The following PRKCH variants were observed in gnomAD, a reference collection of about 807,000 sequenced individuals.
PRKCH encodes protein kinase C eta type.
In PRKCH, 28 loss-of-function variants were observed where a neutral mutation model predicts 82.5. The ratio of observed to expected loss-of-function variants is 0.34; its 90% confidence interval spans 0.25 to 0.47. The LOEUF (loss-of-function observed/expected upper bound fraction) is 0.47, where lower values mean the gene tolerates loss of function less well. Ranked by LOEUF, PRKCH falls within the 20% of genes least tolerant of loss-of-function variation. The pLI, the probability that PRKCH is intolerant of heterozygous loss-of-function variation, is 1.00. For synonymous variants in PRKCH, 322 were observed against 327.4 expected (o/e 0.98, Z 0.18); for missense variants, 705 against 881.8 (o/e 0.80, Z 2.54).
chr14:61,530,679 C>T, intron 12 of PRKCH, 84 bp downstream of exon 12: 1 of 1,260,080 alleles, frequency 7.9e-7, no homozygotes, highest in South Asian at 1.6e-5. Context: ...CAGTACTTCC[C>T]ACCAGTAAAC....
At chr14:61,381,355 T>G (rs1005344996) in intron 1 of PRKCH, among the ~76,000 whole-genome samples, 5 of 152,268 alleles carry the variant, frequency 3.3e-5, no homozygotes, top group African/African-American at 1.2e-4. Context: ...TCAGATTTGA[T>G]ACTACTTTTC....
chr14:61,385,361 T>A (rs1352250770), intron 1 of PRKCH, among the ~76,000 whole-genome samples: 1 of 147,930 alleles, frequency 6.8e-6, no homozygotes, highest in Non-Finnish European at 1.5e-5. Flanking sequence ...AGCCAAAATA[T>A]TGCAGAAAAA....
At chr14:61,323,273 C>T (rs761515812) in intron 1 of PRKCH, among the ~76,000 whole-genome samples, 13 of 152,158 alleles carry the variant, frequency 8.5e-5, no homozygotes, top group Non-Finnish European at 1.8e-4. Context: ...TCCCAGGAGG[C>T]ATAATTTCTG....
In PRKCH at chr14:61,485,622, C is replaced by T. The variant is rs998164413; in HGVS notation, c.1399C>T (p.Leu467Phe). The T allele has an allele frequency of 6.2e-7, 1 of 1,614,074 alleles. No homozygotes were observed. Among genetic ancestry groups the T allele is most frequent in the East Asian group, 2.2e-5 (1 of 44,876 alleles). ...RFYAAEIISALMFLHDKGIIY... is the reference protein window; with the variant it reads ...RFYAAEIISAFMFLHDKGIIY... ...CTATGCTGCAGAAATCATTTCGGCT[C>T]TCATGTTCCTCCATGATAAAGGAAT... is the stretch of plus-strand genomic sequence containing the variant. The change falls in exon 10 of 14, where the codon CTC (leucine) becomes TTC (phenylalanine). Residue 467 changes from leucine (L) to phenylalanine (F), a missense_variant. Leu to Phe is a conservative substitution (Grantham distance 22). Transcript: ENST00000332981.
rs866223440 is a variant in PRKCH at position 61,334,945 on chromosome 14, T to G, written c.363+12481T>G. Among the ~76,000 whole-genome samples, 9 of 152,210 alleles carry G rather than the reference T, an allele frequency of 5.9e-5. No homozygotes were observed. The Middle Eastern group carries it at 0.024, about 403-fold the overall frequency. ...TTGAACTCCTGGGCTCAGGTTATCT[T>G]GCTTCAGCCTCCCAAAATGCTGGGA... is the stretch of plus-strand genomic sequence containing the variant. On this transcript the variant is annotated intron_variant, in intron 1 of 13. Transcript: ENST00000332981.
Position 61,214,134 on chromosome 14 carries a change from T to A in PRKCH, c.-19+26466T>A, listed in dbSNP as rs1368343362. On this transcript the variant is annotated intron_variant, in intron 1 of 3. Transcript: ENST00000555185. ...TGTGGGGGGTGTACTGAGAGGGTGT[T>A]TCTGAGGAAGTGGCCTTTGGGCTGA... Among the ~76,000 whole-genome samples, 3 of 152,194 alleles carry A rather than the reference T, an allele frequency of 2.0e-5. No individual in the cohort carries two copies. The East Asian group carries it at 5.8e-4, about 29-fold the overall frequency.
At chr14:61,468,875 G>A (rs1200003952) in intron 9 of PRKCH, among the ~76,000 whole-genome samples, 1 of 152,102 alleles carries the variant, frequency 6.6e-6, no homozygotes, top group African/African-American at 2.4e-5. Context: ...AAGCTTTTGG[G>A]GTGATGATTG....
chr14:61,357,936 A>C (rs1411136342), intron 1 of PRKCH, among the ~76,000 whole-genome samples: 3 of 152,092 alleles, frequency 2.0e-5, no homozygotes, highest in Non-Finnish European at 4.4e-5. Flanking sequence ...TCTGCCTTGC[A>C]CTGCCTGGTG....
At position 61,449,143 on chromosome 14, in the gene PRKCH, T is replaced by G. The variant is rs571157829; in HGVS notation, c.614-21T>G. On this transcript the variant is annotated intron_variant, in intron 4 of 13. Coordinates refer to ENST00000332981, the MANE Select transcript of PRKCH (RefSeq NM_006255.5). ...CTGTGAGCTTCTGATAAATGTATAA[T>G]TGCTGGATTTAATTTCCTAGTGTGC... The G allele has an allele frequency of 1.1e-5, 18 of 1,604,220 alleles. 1 individual carries two copies. The Middle Eastern group carries it at 4.9e-4, about 44-fold the overall frequency.
chr14:61,358,127 C>T (rs2140157509), intron 1 of PRKCH, among the ~76,000 whole-genome samples: 1 of 152,280 alleles, frequency 6.6e-6, no homozygotes, highest in Admixed American at 6.5e-5. Context: ...GGCTCTGATA[C>T]TTCCTGGATG....
At chr14:61,403,253 C>G (rs1255209155) in intron 2 of PRKCH, among the ~76,000 whole-genome samples, 1 of 152,128 alleles carries the variant, frequency 6.6e-6, no homozygotes, top group Non-Finnish European at 1.5e-5. Context: ...AGAATCCATT[C>G]AAAGGGGTAC....
chr14:61,316,408 A>G (rs2045562276), intron 1 of PRKCH, among the ~76,000 whole-genome samples: 1 of 152,254 alleles, frequency 6.6e-6, no homozygotes, highest in Admixed American at 6.5e-5. Context: ...ATGTACTAGG[A>G]ATTATATACA....
chr14:61,386,148 C>T (rs926866633), intron 1 of PRKCH, among the ~76,000 whole-genome samples: 1 of 152,136 alleles, frequency 6.6e-6, no homozygotes, highest in African/African-American at 2.4e-5. Context: ...AACATACCTC[C>T]CTGGAGAGTG....
At chr14:61,366,852 G>A (rs1226443639) in intron 1 of PRKCH, among the ~76,000 whole-genome samples, 1 of 152,002 alleles carries the variant, frequency 6.6e-6, no homozygotes, top group African/African-American at 2.4e-5. Flanking sequence ...ATGAAAATTG[G>A]ACCCTAGAAC....
In PRKCH at chr14:61,244,836, C is replaced by T. The variant is rs992162533; in HGVS notation, c.-19+57168C>T. Among the ~76,000 whole-genome samples, 3 of 152,316 alleles carry T rather than the reference C, an allele frequency of 2.0e-5. No homozygotes were observed. The East Asian group carries it at 5.8e-4, about 29-fold the overall frequency. ...TACCCCCGAATACAACAAGAAGAAA[C>T]TTGTGAATGTTCTATAAAACCTGCT... On this transcript the variant is annotated intron_variant, in intron 1 of 3. Coordinates refer to the PRKCH transcript ENST00000555185.
At chr14:61,457,816 A>G in intron 9 of PRKCH, 137 bp downstream of exon 9, 1 of 1,204,238 alleles carries the variant, frequency 8.3e-7, no homozygotes, top group Non-Finnish European at 1.2e-6. Flanking sequence ...ATATGGAGGT[A>G]TTGGTGACTT....
intron 11 of PRKCH, among the ~76,000 whole-genome samples, chr14:61,529,516 C>G (rs1273235327): frequency 6.6e-6 from 1 of 151,552 alleles, no homozygotes; most frequent in African/African-American, 2.4e-5. Context: ...AAATGTCCAA[C>G]AATGATAGAC....
At chr14:61,516,514 T>G (rs1323801342) in intron 10 of PRKCH, among the ~76,000 whole-genome samples, 1 of 152,196 alleles carries the variant, frequency 6.6e-6, no homozygotes, top group Non-Finnish European at 1.5e-5. Flanking sequence ...TTAGAAACAT[T>G]CTTCAGACAG....
At chr14:61,371,214 C>G (rs1284889392) in intron 1 of PRKCH, among the ~76,000 whole-genome samples, 1 of 152,034 alleles carries the variant, frequency 6.6e-6, no homozygotes, top group Non-Finnish European at 1.5e-5. Flanking sequence ...GAAGATAGTG[C>G]AGAGAATTCC....
Sources: gnomAD v4.1 joint callset for allele counts (sites outside exome capture counted in the v4.1 genomes callset) on GRCh38, gnomAD v4.1.1 for gene constraint, MANE v1.5 for transcripts, NCBI Gene and HGNC (gene_info 2026-07-23, HGNC 2026-07-21) for gene names.